TBCD: variants seen among roughly 807,000 people sequenced by gnomAD.
The protein encoded by TBCD is tubulin folding cofactor D, also known as tubulin-specific chaperone D.
In TBCD, 105 loss-of-function variants were observed where a neutral mutation model predicts 169.3. That is an observed-to-expected ratio of 0.62 (90% confidence interval 0.53 to 0.73). TBCD has a LOEUF of 0.73. Ranked by LOEUF, TBCD falls within the 30% of genes least tolerant of loss-of-function variation. The pLI is 0.00. For missense variants in TBCD, 1,444 were observed against 1,600.1 expected (o/e 0.90, Z 1.66); for synonymous variants, 700 against 643.9 (o/e 1.09, Z -1.32).
Position 82,780,616 on chromosome 17 carries a change from C to T in TBCD, c.639-973C>T, listed in dbSNP as rs186267773. On this transcript the variant is annotated intron_variant, in intron 6 of 38. Coordinates refer to ENST00000355528, the MANE Select transcript of TBCD (RefSeq NM_005993.5). ...TTCCAGCCTGGGTGACAGCACAAGA[C>T]TCCATCTCAAAAAAAAGGAAGACTT... 3.4e-5 allele frequency among the ~76,000 whole-genome samples: 5 copies of T among 147,222 alleles called. No homozygotes were observed. The East Asian group carries it at 1.0e-3, about 31-fold the overall frequency.
At chr17:82,924,761 T>C (rs1247037641) in intron 26 of TBCD, among the ~76,000 whole-genome samples, 178 bp from the exon 27 acceptor site, 3 of 151,812 alleles carry the variant, frequency 2.0e-5, no homozygotes, top group African/African-American at 7.2e-5. Context: ...AAAAAAAAAA[T>C]TCTCTTTCTG....
chr17:82,940,448 C>T (rs1055350533), intron 37 of TBCD, among the ~76,000 whole-genome samples: 4 of 152,198 alleles, frequency 2.6e-5, no homozygotes, highest in African/African-American at 9.7e-5. Flanking sequence ...GGGGTCCACG[C>T]CCCTTGTTGA....
At chr17:82,771,660 C>A (rs1333004990) in intron 5 of TBCD, among the ~76,000 whole-genome samples, 1 of 152,144 alleles carries the variant, frequency 6.6e-6, no homozygotes, top group Non-Finnish European at 1.5e-5. Flanking sequence ...CTCAGGTGAT[C>A]CGCCTGCCCC....
chr17:82,812,981 G>A (rs1413474645), intron 12 of TBCD, among the ~76,000 whole-genome samples: 1 of 152,078 alleles, frequency 6.6e-6, no homozygotes, highest in Non-Finnish European at 1.5e-5. Context: ...ACCACACCTG[G>A]CTAATTATTT....
At chr17:82,805,550 C>A (rs554006269) in intron 9 of TBCD, among the ~76,000 whole-genome samples, 1 of 152,166 alleles carries the variant, frequency 6.6e-6, no homozygotes, top group East Asian at 1.9e-4. Flanking sequence ...GTCCCGAAGG[C>A]CGGGTGCTTC....
At chr17:82,799,979 A>G (rs2050386618) in intron 8 of TBCD, among the ~76,000 whole-genome samples, 1 of 152,068 alleles carries the variant, frequency 6.6e-6, no homozygotes, top group Admixed American at 6.5e-5. Context: ...TCCCAGCCTC[A>G]AGGCAGAGCT....
chr17:82,893,838 C>G lies in TBCD; in HGVS notation c.1649+206C>G, dbSNP rs372687934. On this transcript the variant is annotated intron_variant, in intron 17 of 38. Transcript: ENST00000355528. Reference sequence around the variant, plus strand: ...TGGACACACCTCATGCTTTACTACGCTAGATAGGGGACATTTACTCACGTG... The same window carrying G: ...TGGACACACCTCATGCTTTACTACGGTAGATAGGGGACATTTACTCACGTG... 2.6e-5 allele frequency among the ~76,000 whole-genome samples: 4 copies of G among 152,320 alleles called. No individual in the cohort carries two copies. In the East Asian group the frequency reaches 7.7e-4, roughly 29 times the overall value.
At chr17:82,870,127 C>G (rs944659714) in intron 13 of TBCD, 97 bp from the exon 14 acceptor site, 2 of 1,545,858 alleles carry the variant, frequency 1.3e-6, no homozygotes, top group African/African-American at 2.8e-5. Flanking sequence ...CATCTGGCAC[C>G]GTGACCGCGC....
In TBCD at chr17:82,890,156, C is replaced by A. The variant is rs1306930692; in HGVS notation, c.1563+459C>A. Among the ~76,000 whole-genome samples the A allele has an allele frequency of 6.6e-6, 1 of 152,228 alleles. No homozygotes were observed. The highest frequency in any genetic ancestry group is 1.5e-5 in the Non-Finnish European group (1 of 68,042). On this transcript the variant is annotated intron_variant, in intron 16 of 38. Coordinates refer to ENST00000355528, the MANE Select transcript of TBCD (RefSeq NM_005993.5). This position sits in a 1 kb window ranked among gnomAD's most constrained non-coding sequence, Gnocchi z 5.3. ...ACGACCCCACATCATGCTGGGGCTG[C>A]TTTTGCTGTGCCCTCTGACCCTGAC...
In TBCD at chr17:82,807,764, GCGCGGCCCCCTC is replaced by G. The variant is rs1598621276; in HGVS notation, c.1148+98_1148+109del. 8 of 1,000,470 alleles carry G rather than the reference GCGCGGCCCCCTC, an allele frequency of 8.0e-6. No individual in the cohort carries two copies. The East Asian group carries it at 2.6e-4, about 32-fold the overall frequency. 62.0% of individuals were successfully genotyped at this position (1,000,470 alleles called of 1,614,324 possible). On this transcript the variant is annotated intron_variant, in intron 11 of 38. Coordinates refer to ENST00000355528, the MANE Select transcript of TBCD (RefSeq NM_005993.5). ...AATACCCAACAGCTTTGGAGTGGCAGCGCGGCCCCCTCCTCGGCCCCCTCCAACTTATGTGTG... is the reference window on the plus strand; with the variant it reads ...AATACCCAACAGCTTTGGAGTGGCAGCTCGGCCCCCTCCAACTTATGTGTG...
intron 14 of TBCD, among the ~76,000 whole-genome samples, chr17:82,882,296 G>C (rs7219423): frequency 0.11 from 16,242 of 152,242 alleles, 1,165 homozygotes; most frequent in South Asian, 0.29. Context: ...TCTGTGCCCA[G>C]CACCCCGCTG....
At position 82,889,966 on chromosome 17, in the gene TBCD, T is replaced by G. The variant is rs1301396225; in HGVS notation, c.1563+269T>G. ...AGCCACATAATGTGGCTCTGCAGGGTGGGGCGGGTCCCTGGGACCAGCCTG... is the reference window on the plus strand; with the variant it reads ...AGCCACATAATGTGGCTCTGCAGGGGGGGGCGGGTCCCTGGGACCAGCCTG... On this transcript the variant is annotated intron_variant, in intron 16 of 38. Transcript: ENST00000355528. This position sits in a 1 kb window ranked among gnomAD's most constrained non-coding sequence, Gnocchi z 5.3. 6.6e-6 allele frequency among the ~76,000 whole-genome samples: 1 copy of G among 152,126 alleles called. No homozygotes were observed. Among genetic ancestry groups the G allele is most frequent in the African/African-American group, 2.4e-5 (1 of 41,418 alleles).
intron 13 of TBCD, among the ~76,000 whole-genome samples, chr17:82,834,228 G>A (rs1431444438): frequency 5.9e-5 from 9 of 152,158 alleles, no homozygotes; most frequent in African/African-American, 1.9e-4. Context: ...GATTAGAGGC[G>A]TGAGCCACCG....
chr17:82,871,892 A>T (rs1379568640), intron 14 of TBCD, among the ~76,000 whole-genome samples: 1 of 151,694 alleles, frequency 6.6e-6, no homozygotes, highest in Non-Finnish European at 1.5e-5. Flanking sequence ...TGTAAGCGCC[A>T]CTGCCTGTGT....
intron 13 of TBCD, among the ~76,000 whole-genome samples, chr17:82,819,244 C>T (rs539088929): frequency 6.9e-4 from 105 of 152,296 alleles, no homozygotes; most frequent in African/African-American, 2.4e-3. Context: ...GGCAGTGATG[C>T]GATGTTTGCC....
intron 13 of TBCD, 69 bp downstream of exon 13, chr17:82,815,003 C>T: frequency 6.3e-7 from 1 of 1,594,210 alleles, no homozygotes; most frequent in African/African-American, 1.3e-5. Flanking sequence ...AGGCCTGTTG[C>T]TGCCATCTCG....
At position 82,833,351 on chromosome 17, in the gene TBCD, C is replaced by G. The variant is rs775228466; in HGVS notation, c.1318+18417C>G. Among the ~76,000 whole-genome samples the G allele has an allele frequency of 3.9e-5, 6 of 152,144 alleles. No homozygotes were observed. The highest frequency in any genetic ancestry group is 8.8e-5 in the Non-Finnish European group (6 of 68,014). Reference sequence around the variant, plus strand: ...CCCTAAGCACTCGTGGCAGTTTCTGCCCACTTTAGCCACGTCGTTGGTGTA... The same window carrying G: ...CCCTAAGCACTCGTGGCAGTTTCTGGCCACTTTAGCCACGTCGTTGGTGTA... On this transcript the variant is annotated intron_variant, in intron 13 of 38. Coordinates refer to ENST00000355528, the MANE Select transcript of TBCD (RefSeq NM_005993.5). The surrounding 1 kb of genome is among the most constrained non-coding windows in gnomAD (Gnocchi z 4.7).
intron 7 of TBCD, among the ~76,000 whole-genome samples, chr17:82,786,526 T>A (rs1021303279): frequency 6.6e-6 from 1 of 152,202 alleles, no homozygotes; most frequent in African/African-American, 2.4e-5. Context: ...CCTCCCCTCC[T>A]CTGCCGTCCC....
At chr17:82,794,605 C>T (rs536967370) in intron 7 of TBCD, among the ~76,000 whole-genome samples, 54 of 152,346 alleles carry the variant, frequency 3.5e-4, no homozygotes, top group South Asian at 8.3e-4. Flanking sequence ...TCTCTGGCCG[C>T]GTCCTCCTGC....
Sources: gnomAD v4.1 joint callset for allele counts (sites outside exome capture counted in the v4.1 genomes callset) on GRCh38, gnomAD v4.1.1 for gene constraint, Gnocchi (gnomAD v3.1) non-coding constraint, MANE v1.5 for transcripts, NCBI Gene and HGNC (gene_info 2026-07-23, HGNC 2026-07-21) for gene names.